Variants in EIPR1 observed in about 807,000 individuals in gnomAD.
EIPR1 encodes the protein EARP complex and GARP complex interacting protein 1.
A neutral mutation model predicts 48.1 loss-of-function variants in EIPR1; 25 were observed. The ratio of observed to expected loss-of-function variants is 0.52; its 90% confidence interval spans 0.38 to 0.73. EIPR1 has a LOEUF of 0.73. Among genes scored for constraint, EIPR1 ranks in the 30% least tolerant of loss-of-function variants. EIPR1 has a pLI of 0.00. For missense variants in EIPR1, 415 were observed against 506.2 expected (o/e 0.82, Z 1.73); for synonymous variants, 204 against 201.9 (o/e 1.01, Z -0.09).
At chr2:3,249,937 T>C (rs1666954312) in intron 4 of EIPR1, among the ~76,000 whole-genome samples, 1 of 152,188 alleles carries the variant, frequency 6.6e-6, no homozygotes, top group Admixed American at 6.5e-5. Flanking sequence ...TGAAAGAAGC[T>C]TGGCAGCTTC....
rs148807216 is a variant in EIPR1 at position 3,201,599 on chromosome 2, G to A, written c.517-4582C>T. Among the ~76,000 whole-genome samples the A allele has an allele frequency of 8.5e-4, 129 of 152,282 alleles. 1 individual carries two copies. Among genetic ancestry groups the A allele is most frequent in the Non-Finnish European group, 1.6e-3 (109 of 68,026 alleles). On this transcript the variant is annotated intron_variant, in intron 5 of 8. Coordinates refer to ENST00000382125, the MANE Select transcript of EIPR1 (RefSeq NM_003310.5). ...ACAGCAAGCTCCAAGGAACCATATA[G>A]TGTGCAGGGTGACACACAGGAGCCA...
chr2:3,260,732 G>C (rs1253873461), intron 3 of EIPR1, among the ~76,000 whole-genome samples: 1 of 151,970 alleles, frequency 6.6e-6, no homozygotes, highest in African/African-American at 2.4e-5. Context: ...CTTCACAAAA[G>C]AAAACATATG....
At chr2:3,236,567 A>G (rs868263723) in intron 4 of EIPR1, among the ~76,000 whole-genome samples, 14 of 152,182 alleles carry the variant, frequency 9.2e-5, no homozygotes, top group African/African-American at 3.4e-4. Context: ...GAAGGGACGC[A>G]ATCGTGGGCA....
Position 3,237,269 on chromosome 2 carries a change from CA to C in EIPR1, c.416+20029del, listed in dbSNP as rs1214339674. ...ACACACACACACACACACACACACA[CA>C]CCATACATATGGCAGTCCTGCCTTA... On this transcript the variant is annotated intron_variant, in intron 4 of 8. Coordinates refer to ENST00000382125, the MANE Select transcript of EIPR1 (RefSeq NM_003310.5). 1.5e-3 allele frequency among the ~76,000 whole-genome samples: 224 copies of C among 146,880 alleles called. 2 individuals carry two copies. The highest frequency in any genetic ancestry group is 4.9e-3 in the African/African-American group (189 of 38,862).
chr2:3,205,822 G>GTGACAATATT (rs1665214719), intron 5 of EIPR1, among the ~76,000 whole-genome samples: 1 of 152,188 alleles, frequency 6.6e-6, no homozygotes, highest in Admixed American at 6.5e-5. Flanking sequence ...ACTCACGCAC[G>GTGACAATATT]TGACAATATT....
At chr2:3,354,403 GAAGA>G in intron 2 of EIPR1, 143 bp downstream of exon 2, 1 of 683,746 alleles carries the variant, frequency 1.5e-6, no homozygotes, top group Non-Finnish European at 2.5e-6. Flanking sequence ...TCTTTGATTT[GAAGA>G]TAGACTTAAA....
chr2:3,193,689 G>A (rs1186036034), intron 7 of EIPR1, among the ~76,000 whole-genome samples: 1 of 152,152 alleles, frequency 6.6e-6, no homozygotes, highest in Non-Finnish European at 1.5e-5. Flanking sequence ...TGGACATTTG[G>A]GTGGTTTCCA....
chr2:3,369,003 C>A (rs1390167516), intron 1 of EIPR1, among the ~76,000 whole-genome samples: 1 of 152,028 alleles, frequency 6.6e-6, no homozygotes, highest in African/African-American at 2.4e-5. Flanking sequence ...AAGTGTTCTC[C>A]ATGGGATTTG....
chr2:3,296,540 T>A (rs892006470), intron 3 of EIPR1, among the ~76,000 whole-genome samples: 15 of 126,314 alleles, frequency 1.2e-4, no homozygotes, highest in Middle Eastern at 6.3e-3. Flanking sequence ...ACACCCTCCA[T>A]CCAGTCCATC....
intron 3 of EIPR1, among the ~76,000 whole-genome samples, chr2:3,307,620 T>A (rs1378698833): frequency 6.6e-6 from 1 of 152,074 alleles, no homozygotes; most frequent in Non-Finnish European, 1.5e-5. Context: ...GCATCCCCAC[T>A]CTCGCTCATG....
At chr2:3,204,831 C>T (rs941235617) in intron 5 of EIPR1, among the ~76,000 whole-genome samples, 21 of 152,176 alleles carry the variant, frequency 1.4e-4, no homozygotes, top group Non-Finnish European at 2.9e-4. Context: ...GCACTGCGCT[C>T]ACAGCAGACC....
At chr2:3,299,191 C>T (rs4546035) in intron 3 of EIPR1, among the ~76,000 whole-genome samples, 34,279 of 152,168 alleles carry the variant, frequency 0.23, 3,914 homozygotes, top group Non-Finnish European at 0.25. Flanking sequence ...GAGAATGTCG[C>T]TGTGTCTGTC....
rs141896841 is a variant in EIPR1, at chr2:3,224,338, G to A, written c.417-10090C>T. Among the ~76,000 whole-genome samples the A allele has an allele frequency of 5.3e-5, 8 of 152,310 alleles. No homozygotes were observed. The East Asian group carries it at 9.6e-4, about 18-fold the overall frequency. On this transcript the variant is annotated intron_variant, in intron 4 of 8. Coordinates refer to ENST00000382125, the MANE Select transcript of EIPR1 (RefSeq NM_003310.5). ...TGCCGTAAGAGCAACCGGCACTTAC[G>A]CAGCTCCTACCATGCGCCCGGCTTT...
At chr2:3,321,991 T>G (rs1181766936) in intron 3 of EIPR1, among the ~76,000 whole-genome samples, 1 of 152,136 alleles carries the variant, frequency 6.6e-6, no homozygotes, top group African/African-American at 2.4e-5. Context: ...AAAAGCCAAT[T>G]CTCGACAGCA....
chr2:3,215,459 C>G (rs1665600336), intron 4 of EIPR1, among the ~76,000 whole-genome samples: 1 of 152,200 alleles, frequency 6.6e-6, no homozygotes, highest in African/African-American at 2.4e-5. Context: ...CCATCATCTG[C>G]AGCCAAAGCC....
intron 3 of EIPR1, among the ~76,000 whole-genome samples, chr2:3,260,521 G>GGGAC (rs1247353077): frequency 1.1e-4 from 14 of 128,932 alleles, no homozygotes; most frequent in African/African-American, 4.1e-4. Context: ...GAGGGAGGGA[G>GGGAC]GGAGGGAGGG....
At chr2:3,303,692 G>T (rs1055949518) in intron 3 of EIPR1, among the ~76,000 whole-genome samples, 1 of 152,216 alleles carries the variant, frequency 6.6e-6, no homozygotes, top group Non-Finnish European at 1.5e-5. Context: ...CCCGCCAGAC[G>T]CCGGCAACCT....
intron 1 of EIPR1, chr2:3,377,192 A>G (rs778433858): frequency 1.3e-5 from 2 of 159,778 alleles, no homozygotes; most frequent in African/African-American, 2.4e-5. Context: ...ATGGTTATGT[A>G]AAGTGTTAAC....
intron 3 of EIPR1, among the ~76,000 whole-genome samples, chr2:3,284,430 A>G (rs13003832): frequency 0.042 from 2,078 of 49,550 alleles, 3 homozygotes; most frequent in Middle Eastern, 0.13. Flanking sequence ...GCCGGAGGCC[A>G]CCCACAGGCA....
Sources: allele counts gnomAD v4.1 joint callset (sites outside exome capture counted in the v4.1 genomes callset), GRCh38; gene constraint gnomAD v4.1.1; transcripts MANE v1.5; gene names NCBI Gene and HGNC (gene_info 2026-07-23, HGNC 2026-07-21).